The following NBAS variants were observed in gnomAD, a reference collection of about 807,000 sequenced individuals.
NBAS encodes the protein NAG/BC035112 fusion.
Under a neutral mutation model 302.5 loss-of-function variants are expected in NBAS, and 219 were observed. The ratio of observed to expected loss-of-function variants is 0.72; its 90% CI spans 0.65 to 0.81. The LOEUF is 0.81. NBAS is among the 30% of genes least tolerant of loss of function. The pLI is 0.00. For missense variants in NBAS, 2,932 were observed against 2,841.6 expected, an observed-to-expected ratio of 1.03 and a Z score of -0.72; for synonymous variants, 1,118 against 1,021.6, an observed-to-expected ratio of 1.09 and a Z score of -1.80.
intron 16 of NBAS, among the ~76,000 whole-genome samples, chr2:15,469,592 G>A (rs996145825): frequency 3.9e-5 from 6 of 152,172 alleles, no homozygotes; most frequent in African/African-American, 1.4e-4. Flanking sequence ...CAACCCAAAT[G>A]TCCATCAATG....
intron 14 of NBAS, among the ~76,000 whole-genome samples, chr2:15,474,924 C>T (rs930533210): frequency 2.0e-5 from 3 of 152,016 alleles, no homozygotes; most frequent in Non-Finnish European, 4.4e-5. Context: ...AGGTCTTGTA[C>T]CTGATAATTT....
At chr2:15,415,498 T>C (rs1277741903) in intron 25 of NBAS, 48 bp downstream of exon 25, 2 of 1,525,790 alleles carry the variant, frequency 1.3e-6, no homozygotes, top group South Asian at 1.1e-5. Context: ...AACCTAATAC[T>C]GTAGGGGAAA....
At position 15,168,651 on chromosome 2, in the gene NBAS, T is replaced by C. The variant is rs544130851; in HGVS notation, c.6841-1328A>G. Among the ~76,000 whole-genome samples the C allele has an allele frequency of 2.0e-5, 3 of 152,352 alleles. No individual in the cohort carries two copies. In the East Asian group the frequency reaches 5.8e-4, roughly 29 times the overall value. On this transcript the variant is annotated intron_variant, in intron 51 of 51. Coordinates refer to ENST00000281513, the MANE Select transcript of NBAS (RefSeq NM_015909.4). ...TATTTTATTTATTTCTTTTTTGAGA[T>C]GGAGTTTTACTCTTGTTGCCCAGGC...
chr2:15,436,285 A>T (rs957558460), intron 21 of NBAS, among the ~76,000 whole-genome samples: 8 of 152,338 alleles, frequency 5.3e-5, no homozygotes, highest in African/African-American at 1.9e-4. Context: ...CCCTTTCTGC[A>T]TTTATCTCAC....
At chr2:15,028,919 T>C in the NBAS span, among the ~76,000 whole-genome samples, 1 of 152,226 alleles carries the variant, frequency 6.6e-6, no homozygotes, top group African/African-American at 2.4e-5. Context: ...CAGTCTAGAA[T>C]GTGACTGGAA....
At chr2:14,974,284 C>T in the NBAS span, among the ~76,000 whole-genome samples, 3 of 152,172 alleles carry the variant, frequency 2.0e-5, no homozygotes, top group Admixed American at 6.5e-5. Flanking sequence ...AACCAACCAA[C>T]CCCAATGAAT....
chr2:14,824,920 C>G, the NBAS span, among the ~76,000 whole-genome samples: 1 of 152,114 alleles, frequency 6.6e-6, no homozygotes, highest in African/African-American at 2.4e-5. Context: ...GGTTCAGGAG[C>G]TGCAAGCAAA....
the NBAS span, among the ~76,000 whole-genome samples, chr2:15,052,388 G>C: frequency 6.6e-6 from 1 of 152,192 alleles, no homozygotes; most frequent in Admixed American, 6.5e-5. Flanking sequence ...GAAGGAATCA[G>C]CTCCCCACTC....
Position 15,275,512 on chromosome 2 carries a change from A to G in NBAS, c.5696T>C (p.Val1899Ala). The change falls in exon 44 of 52, where the codon GTT becomes GCT. Residue 1899 changes from valine (V) to alanine (A), a missense_variant. By Grantham distance (64) the Val-to-Ala change is moderately conservative (BLOSUM62 0). Transcript: ENST00000281513. ...GGTCACAGCTTTTGGAGAAAATGTA[A>G]CTGCATCTACCACAGTGATGAGGTC... ...PGDLITVVDA[V>A]TFSPKAVTKL... 6.2e-7 allele frequency: 1 copy of G among 1,614,178 alleles called. No individual in the cohort carries two copies. The highest frequency in any genetic ancestry group is 1.3e-5 in the African/African-American group (1 of 75,074).
the NBAS span, among the ~76,000 whole-genome samples, chr2:14,785,896 G>C: frequency 2.0e-5 from 3 of 152,156 alleles, no homozygotes; most frequent in East Asian, 3.9e-4. Context: ...AGGAGGAATG[G>C]TACCAGTTCC....
At chr2:15,333,310 G>A (rs368117885) in intron 35 of NBAS, among the ~76,000 whole-genome samples, 4 of 152,090 alleles carry the variant, frequency 2.6e-5, no homozygotes, top group South Asian at 2.1e-4. Context: ...GCCACAGAAC[G>A]CAGCACAGAA....
At chr2:14,791,562 G>A in the NBAS span, among the ~76,000 whole-genome samples, 1 of 152,088 alleles carries the variant, frequency 6.6e-6, no homozygotes, top group African/African-American at 2.4e-5. Flanking sequence ...CCAGCACTCT[G>A]GGAGGCCGAG....
chr2:15,409,315 C>T (rs764924082), intron 25 of NBAS, among the ~76,000 whole-genome samples: 29 of 152,142 alleles, frequency 1.9e-4, no homozygotes, highest in Non-Finnish European at 1.3e-4. Context: ...CTGAATGCAC[C>T]TCGTATCTTT....
intron 42 of NBAS, among the ~76,000 whole-genome samples, chr2:15,277,347 A>T (rs1311183611): frequency 6.6e-6 from 1 of 152,194 alleles, no homozygotes; most frequent in Non-Finnish European, 1.5e-5. Flanking sequence ...CAACCCTGTG[A>T]AGTAGCTTTA....
intron 48 of NBAS, among the ~76,000 whole-genome samples, chr2:15,192,154 T>C (rs1665388143): frequency 6.6e-6 from 1 of 152,218 alleles, no homozygotes; most frequent in Admixed American, 6.5e-5. Flanking sequence ...TATTTACTTG[T>C]TGCCTTTCTT....
At chr2:15,195,068 T>A (rs1558427137) in intron 48 of NBAS, among the ~76,000 whole-genome samples, 1 of 152,124 alleles carries the variant, frequency 6.6e-6, no homozygotes, top group Non-Finnish European at 1.5e-5. Flanking sequence ...AATAAATATG[T>A]GAAAACCAAA....
At chr2:15,023,214 T>C in the NBAS span, among the ~76,000 whole-genome samples, 2 of 152,198 alleles carry the variant, frequency 1.3e-5, no homozygotes, top group Non-Finnish European at 2.9e-5. Flanking sequence ...TAATAATTAG[T>C]GGTAAGACCA....
the NBAS span, among the ~76,000 whole-genome samples, chr2:14,789,637 A>G: frequency 6.6e-6 from 1 of 152,256 alleles, no homozygotes; most frequent in East Asian, 1.9e-4. Flanking sequence ...ACATGTAGGC[A>G]CAGACATCTT....
chr2:14,865,769 T>C, the NBAS span, among the ~76,000 whole-genome samples: 19 of 151,736 alleles, frequency 1.3e-4, no homozygotes, highest in Non-Finnish European at 2.2e-4. Flanking sequence ...CTCTATGAGA[T>C]TGCATTTTAT....
Sources: gnomAD v4.1 joint callset for allele counts (sites outside exome capture counted in the v4.1 genomes callset) on GRCh38, gnomAD v4.1.1 for gene constraint, MANE v1.5 for transcripts, NCBI Gene and HGNC (gene_info 2026-07-23, HGNC 2026-07-21) for gene names.